ZNF362: variants seen among roughly 807,000 people sequenced by gnomAD.
The protein encoded by ZNF362 is rotund homolog.
In ZNF362, 11 loss-of-function variants were observed where a neutral mutation model predicts 42.9. That is an observed-to-expected ratio of 0.26 (90% CI 0.16 to 0.42). ZNF362 has a LOEUF of 0.42. ZNF362 is among the 20% of genes least tolerant of loss of function. The pLI is 1.00. For missense variants in ZNF362, 362 were observed against 576.2 expected, an observed-to-expected ratio of 0.63 and a Z score of 3.81; for synonymous variants, 255 against 257.3, an observed-to-expected ratio of 0.99 and a Z score of 0.09.
At chr1:33,190,716 G>T in the ZNF362 span, among the ~76,000 whole-genome samples, 1 of 152,226 alleles carries the variant, frequency 6.6e-6, no homozygotes, top group Admixed American at 6.5e-5. Flanking sequence ...CCACCCTTCT[G>T]TATCAACTTG....
chr1:33,280,345 G>C lies in ZNF362; in HGVS notation c.571G>C (p.Glu191Gln). 6.2e-7 allele frequency: 1 copy of C among 1,614,004 alleles called. No individual in the cohort carries two copies. The highest frequency in any genetic ancestry group is 8.5e-7 in the Non-Finnish European group (1 of 1,179,952). The change falls in exon 5 of 9, where the codon GAA (glutamate) becomes CAA (glutamine). Residue 191 changes from glutamate to glutamine, a missense_variant. Transcript: ENST00000539719. This position sits in a 1 kb window ranked among gnomAD's most constrained non-coding sequence, Gnocchi z 5.6. ...GHGLLGPPKS[E>Q]RGRKKIKAEN... The stretch of plus-strand genomic sequence containing the variant: ...CGGCCTGCTTGGCCCCCCCAAGTCC[G>C]AACGCGGCCGCAAAAAGATCAAGGC...
At chr1:33,152,093 C>A in the ZNF362 span, among the ~76,000 whole-genome samples, 1 of 152,256 alleles carries the variant, frequency 6.6e-6, no homozygotes, top group Non-Finnish European at 1.5e-5. Flanking sequence ...ACGACAGACC[C>A]AGGGGCACAA....
chr1:33,158,149 C>G, the ZNF362 span: 4 of 1,020,864 alleles, frequency 3.9e-6, no homozygotes, highest in Non-Finnish European at 6.0e-6. Flanking sequence ...GCAAGGCACT[C>G]TGCTCATTCA....
intron 6 of ZNF362, among the ~76,000 whole-genome samples, chr1:33,288,405 A>C (rs1285699590): frequency 1.3e-5 from 2 of 152,154 alleles, no homozygotes; most frequent in Non-Finnish European, 2.9e-5. Flanking sequence ...GTCCAGGGCC[A>C]CTAGCTTCAG....
the ZNF362 span, among the ~76,000 whole-genome samples, chr1:33,175,031 T>TATGTTTATGTA: frequency 1.4e-5 from 2 of 147,102 alleles, no homozygotes; most frequent in African/African-American, 5.1e-5. Context: ...ATGTATATGT[T>TATGTTTATGTA]TATGTATATG....
At chr1:33,275,690 A>G (rs1040599048) in intron 2 of ZNF362, among the ~76,000 whole-genome samples, 3 of 152,070 alleles carry the variant, frequency 2.0e-5, no homozygotes, top group Non-Finnish European at 2.9e-5. Flanking sequence ...GGCATTTACA[A>G]ATTTGCTGCA....
the ZNF362 span, among the ~76,000 whole-genome samples, chr1:33,134,959 C>T: frequency 1.3e-5 from 2 of 152,180 alleles, no homozygotes; most frequent in African/African-American, 4.8e-5. Context: ...TGTTTCACTC[C>T]ACATAAATAT....
chr1:33,136,116 TTCCTTCC>T, the ZNF362 span, among the ~76,000 whole-genome samples: 10 of 30,732 alleles, frequency 3.3e-4, no homozygotes, highest in African/African-American at 6.3e-4. Flanking sequence ...GGGCCAGCCC[TTCCTTCC>T]TTCCTTCCTT....
At chr1:33,189,124 T>C in the ZNF362 span, among the ~76,000 whole-genome samples, 1 of 152,230 alleles carries the variant, frequency 6.6e-6, no homozygotes, top group Non-Finnish European at 1.5e-5. Context: ...CACATGGCTG[T>C]TCTTCAGGAG....
At chr1:33,142,253 C>G in the ZNF362 span, 2 of 152,262 alleles carry the variant, frequency 1.3e-5, no homozygotes, top group Non-Finnish European at 2.9e-5. Flanking sequence ...CAGAGTGCTG[C>G]CCAGGTGTGA....
chr1:33,181,421 G>A, the ZNF362 span: 1 of 1,598,026 alleles, frequency 6.3e-7, no homozygotes, highest in Admixed American at 1.7e-5. This position sits in a 1 kb window ranked among gnomAD's most constrained non-coding sequence, Gnocchi z 6.5. Context: ...CGTCCTTGAG[G>A]CTGCACGCCA....
At chr1:33,228,962 T>TTGCTCTTCCC in the ZNF362 span, among the ~76,000 whole-genome samples, 1 of 152,182 alleles carries the variant, frequency 6.6e-6, no homozygotes, top group Non-Finnish European at 1.5e-5. Context: ...CCAGCCTTCC[T>TTGCTCTTCCC]TGCTCTTCCC....
the ZNF362 span, among the ~76,000 whole-genome samples, chr1:33,206,472 A>G: frequency 6.6e-6 from 1 of 152,162 alleles, no homozygotes; most frequent in African/African-American, 2.4e-5. Flanking sequence ...GGTGATATGA[A>G]CCTGTAGTCT....
At chr1:33,245,394 G>A in the ZNF362 span, among the ~76,000 whole-genome samples, 1 of 151,970 alleles carries the variant, frequency 6.6e-6, no homozygotes, top group South Asian at 2.1e-4. Flanking sequence ...CATATACGAG[G>A]GATTTTTTTT....
the ZNF362 span, among the ~76,000 whole-genome samples, chr1:33,214,911 T>C: frequency 2.3e-4 from 35 of 152,166 alleles, no homozygotes; most frequent in Admixed American, 4.6e-4. Flanking sequence ...TAAATTAGTA[T>C]AGTCACTATG....
the ZNF362 span, among the ~76,000 whole-genome samples, chr1:33,211,527 T>C: frequency 6.6e-6 from 1 of 152,238 alleles, no homozygotes; most frequent in Non-Finnish European, 1.5e-5. Context: ...AAATTCTGGG[T>C]TGAAAATTCT....
At chr1:33,227,875 C>G in the ZNF362 span, among the ~76,000 whole-genome samples, 1 of 151,412 alleles carries the variant, frequency 6.6e-6, no homozygotes, top group South Asian at 2.1e-4. Context: ...TTTTTTCCCA[C>G]TCAGTTATTT....
chr1:33,180,164 G>A, the ZNF362 span, among the ~76,000 whole-genome samples: 4 of 152,184 alleles, frequency 2.6e-5, no homozygotes, highest in South Asian at 4.2e-4. Context: ...TGCATGTACC[G>A]TTTCACTTAG....
intron 6 of ZNF362, among the ~76,000 whole-genome samples, chr1:33,284,478 A>G (rs1646018129): frequency 6.6e-6 from 1 of 152,238 alleles, no homozygotes; most frequent in Non-Finnish European, 1.5e-5. Context: ...GGTACTTTGA[A>G]GAGTTTTTAG....
Sources: gnomAD v4.1 joint callset for allele counts (sites outside exome capture counted in the v4.1 genomes callset) on GRCh38, gnomAD v4.1.1 for gene constraint, Gnocchi (gnomAD v3.1) non-coding constraint, MANE v1.5 for transcripts, NCBI Gene and HGNC (gene_info 2026-07-23, HGNC 2026-07-21) for gene names.